SPIDR: variants seen among roughly 807,000 people sequenced by gnomAD.
SPIDR encodes DNA repair-scaffolding protein.
In SPIDR, 93 loss-of-function variants were observed where a neutral mutation model predicts 104.6. That is an observed-to-expected ratio of 0.89 (90% CI 0.75 to 1.06). The LOEUF (loss-of-function observed/expected upper bound fraction) is 1.06. Ranked by LOEUF, SPIDR falls within the 50% of genes least tolerant of loss-of-function variation. The pLI is 0.00. For synonymous variants in SPIDR, 431 were observed against 416.9 expected, an observed-to-expected ratio of 1.03 and a Z score of -0.41; for missense variants, 1,154 against 1,111.2, an observed-to-expected ratio of 1.04 and a Z score of -0.55.
chr8:47,428,331 G>T (rs1275176665), intron 7 of SPIDR, among the ~76,000 whole-genome samples: 1 of 152,180 alleles, frequency 6.6e-6, no homozygotes, highest in Admixed American at 6.5e-5. Flanking sequence ...CTTTGATGCG[G>T]TATTTTCCAA....
At chr8:47,372,656 ATAAT>A (rs1391215166) in intron 5 of SPIDR, among the ~76,000 whole-genome samples, 2 of 151,976 alleles carry the variant, frequency 1.3e-5, no homozygotes, top group Non-Finnish European at 2.9e-5. Flanking sequence ...TAATAATATA[ATAAT>A]TTTATAATGT....
intron 6 of SPIDR, among the ~76,000 whole-genome samples, chr8:47,407,533 T>C (rs1554668086): frequency 6.6e-6 from 1 of 152,210 alleles, no homozygotes; most frequent in African/African-American, 2.4e-5. Flanking sequence ...AAGTAAGCAG[T>C]GCTTGTTTTA....
chr8:47,483,069 C>T (rs1166669554), intron 8 of SPIDR, among the ~76,000 whole-genome samples: 2 of 152,304 alleles, frequency 1.3e-5, no homozygotes, highest in East Asian at 1.9e-4. Flanking sequence ...CTTTCCTATT[C>T]TTGCTGACCC....
rs2039898358 is a variant in SPIDR, at chr8:47,291,496, T to G, written c.361+359T>G. 2.6e-5 allele frequency among the ~76,000 whole-genome samples: 4 copies of G among 152,214 alleles called. No homozygotes were observed. The South Asian group carries it at 6.2e-4, about 24-fold the overall frequency. On this transcript the variant is annotated intron_variant, in intron 4 of 19. Transcript: ENST00000297423. Reference sequence around the variant, plus strand: ...CCATATAGCCCAGCAACTGCACCTTTAGGCATTTGTCCCAGAGAATGAAAA... The same window carrying G: ...CCATATAGCCCAGCAACTGCACCTTGAGGCATTTGTCCCAGAGAATGAAAA...
chr8:47,432,920 A>G (rs1396159038), intron 7 of SPIDR, among the ~76,000 whole-genome samples: 11 of 152,192 alleles, frequency 7.2e-5, no homozygotes, highest in African/African-American at 2.4e-4. Flanking sequence ...ATCAGGTACT[A>G]GACTGGGGAG....
chr8:47,321,601 G>T (rs1487959114), intron 5 of SPIDR, among the ~76,000 whole-genome samples: 5 of 152,082 alleles, frequency 3.3e-5, no homozygotes, highest in Non-Finnish European at 4.4e-5. Flanking sequence ...CTACTTTAAA[G>T]TTCATATGGA....
intron 5 of SPIDR, among the ~76,000 whole-genome samples, chr8:47,387,402 C>A (rs1213226793): frequency 6.6e-6 from 1 of 152,056 alleles, no homozygotes; most frequent in Admixed American, 6.6e-5. Context: ...GTAGGGCAGA[C>A]CCTGGCAGGA....
At chr8:47,603,559 ATTT>A (rs554738300) in intron 10 of SPIDR, among the ~76,000 whole-genome samples, 2 of 133,544 alleles carry the variant, frequency 1.5e-5, no homozygotes, top group Admixed American at 7.5e-5. Context: ...TACCCAGCTA[ATTT>A]TTTTTTTTTT....
At chr8:47,400,120 G>A (rs556781893) in intron 6 of SPIDR, among the ~76,000 whole-genome samples, 80 of 152,312 alleles carry the variant, frequency 5.3e-4, no homozygotes, top group African/African-American at 1.9e-3. Flanking sequence ...GAGCTGGAAC[G>A]TAAGGGAGGC....
intron 8 of SPIDR, among the ~76,000 whole-genome samples, chr8:47,483,402 G>A (rs541158276): frequency 6.6e-6 from 1 of 152,250 alleles, no homozygotes; most frequent in African/African-American, 2.4e-5. Flanking sequence ...ACCCCAAACA[G>A]GGCAGGATAA....
At chr8:47,391,349 G>A (rs545486759) in intron 5 of SPIDR, among the ~76,000 whole-genome samples, 9 of 151,556 alleles carry the variant, frequency 5.9e-5, no homozygotes, top group South Asian at 4.2e-4. Flanking sequence ...ACCATCCTGG[G>A]CAACAAAGTG....
intron 8 of SPIDR, chr8:47,512,211 CT>C (rs1214950118): frequency 6.0e-6 from 2 of 332,566 alleles, no homozygotes; most frequent in East Asian, 6.8e-5. Flanking sequence ...TTGAGTGGGA[CT>C]TTTGTCTTTC....
intron 8 of SPIDR, among the ~76,000 whole-genome samples, chr8:47,549,943 T>G (rs1458564833): frequency 6.6e-6 from 1 of 152,194 alleles, no homozygotes; most frequent in Non-Finnish European, 1.5e-5. Context: ...AATTTTTGTA[T>G]AAGGTGTAAA....
At chr8:47,672,819 C>A (rs934386763) in intron 10 of SPIDR, among the ~76,000 whole-genome samples, 6 of 152,108 alleles carry the variant, frequency 3.9e-5, no homozygotes, top group African/African-American at 1.4e-4. Context: ...GGTCTTATTC[C>A]ATGGTGAACT....
At chr8:47,472,955 C>T (rs1400007078) in intron 8 of SPIDR, among the ~76,000 whole-genome samples, 2 of 152,088 alleles carry the variant, frequency 1.3e-5, no homozygotes, top group Admixed American at 6.5e-5. Context: ...CCTTTCTGGC[C>T]GTGGTCTTCT....
At chr8:47,493,044 T>A (rs529133852) in intron 8 of SPIDR, among the ~76,000 whole-genome samples, 1 of 97,766 alleles carries the variant, frequency 1.0e-5, no homozygotes, top group South Asian at 2.6e-4. Context: ...AGAGAGTGAG[T>A]GTGTGTGTGT....
chr8:47,544,680 C>T (rs1019883324), intron 8 of SPIDR, among the ~76,000 whole-genome samples: 1 of 152,144 alleles, frequency 6.6e-6, no homozygotes, highest in African/African-American at 2.4e-5. Flanking sequence ...TGTTCTGTTC[C>T]GTTGATCGTT....
At chr8:47,511,878 C>T in intron 8 of SPIDR, 2 of 806,462 alleles carry the variant, frequency 2.5e-6, no homozygotes, top group South Asian at 2.7e-5. Context: ...TCTGGCCTTC[C>T]TCCTCTTCCT....
At position 47,367,626 on chromosome 8, in the gene SPIDR, A is replaced by T. The variant is rs550872121; in HGVS notation, c.526-28750A>T. On this transcript the variant is annotated intron_variant, in intron 5 of 19. Transcript: ENST00000297423. ...ACAGTGGGAATATGGGACTAGAAAG[A>T]AGTTAAATGGTTGGTAAGAAATTCT... Among the ~76,000 whole-genome samples, 4 of 152,330 alleles carry T rather than the reference A, an allele frequency of 2.6e-5. No homozygotes were observed. In the South Asian group the frequency reaches 8.3e-4, roughly 32 times the overall value.
Sources: gnomAD v4.1 joint callset for allele counts (sites outside exome capture counted in the v4.1 genomes callset) on GRCh38, gnomAD v4.1.1 for gene constraint, MANE v1.5 for transcripts, NCBI Gene and HGNC (gene_info 2026-07-23, HGNC 2026-07-21) for gene names.